The following PIGN variants were observed in gnomAD, a reference collection of about 807,000 sequenced individuals.
PIGN encodes the protein phosphatidylinositol glycan anchor biosynthesis class N, also known as GPI ethanolamine phosphate transferase 1.
In PIGN, 117 loss-of-function variants were observed where a neutral mutation model predicts 125.4. The observed-to-expected ratio is 0.93, with a 90% confidence interval of 0.80 to 1.09. The LOEUF is 1.09. Among genes scored for constraint, PIGN ranks in the 50% least tolerant of loss-of-function variants. The pLI is 0.00. For missense variants in PIGN, 1,075 were observed against 1,094.9 expected (o/e 0.98, Z 0.26); for synonymous variants, 392 against 377.8 (o/e 1.04, Z -0.44).
downstream of PIGN, among the ~76,000 whole-genome samples, chr18:62,039,501 T>C (rs12965939): frequency 0.026 from 1,500 of 58,672 alleles, no homozygotes; most frequent in Middle Eastern, 0.081. Context: ...GGGTGCCGCA[T>C]CTCATGTTTA....
At chr18:62,034,976 T>C (rs1482929897) in intron 23 of PIGN, among the ~76,000 whole-genome samples, 1 of 152,168 alleles carries the variant, frequency 6.6e-6, no homozygotes, top group African/African-American at 2.4e-5. Flanking sequence ...TGAATTGTAA[T>C]AATCCCCACT....
downstream of PIGN, among the ~76,000 whole-genome samples, chr18:62,037,424 C>T (rs1465111318): frequency 1.3e-5 from 2 of 152,216 alleles, no homozygotes; most frequent in African/African-American, 4.8e-5. Flanking sequence ...CATGAAAGCC[C>T]CTCAGTGGGC....
At chr18:62,183,169 C>T (rs1289490448) in intron 1 of PIGN, among the ~76,000 whole-genome samples, 1 of 151,798 alleles carries the variant, frequency 6.6e-6, no homozygotes, top group Non-Finnish European at 1.5e-5. Context: ...TTGAGCATTT[C>T]ACAATGTATA....
intron 23 of PIGN, among the ~76,000 whole-genome samples, chr18:62,093,339 T>C (rs1394403839): frequency 3.3e-5 from 5 of 152,124 alleles, no homozygotes; most frequent in Non-Finnish European, 5.9e-5. Flanking sequence ...GGACTTTATC[T>C]CTTAAAACAA....
At chr18:62,034,613 G>A (rs2030234116) in intron 23 of PIGN, among the ~76,000 whole-genome samples, 1 of 152,284 alleles carries the variant, frequency 6.6e-6, no homozygotes, top group Admixed American at 6.5e-5. Context: ...AGATTATTTT[G>A]AAGCTTTAAG....
At position 62,119,394 on chromosome 18, in the gene PIGN, A is replaced by C. The variant is rs183240142; in HGVS notation, c.1173-4755T>G. ...TAATATGTCAAGAAGACAAGACAGAAAGTTGTAACAAAGAACAGAATCTAT... is the reference window on the plus strand; with the variant it reads ...TAATATGTCAAGAAGACAAGACAGACAGTTGTAACAAAGAACAGAATCTAT... On this transcript the variant is annotated intron_variant, in intron 14 of 30. Coordinates refer to ENST00000640252, the MANE Select transcript of PIGN (RefSeq NM_176787.5). Among the ~76,000 whole-genome samples the C allele has an allele frequency of 7.5e-3, 1,143 of 152,278 alleles. 13 individuals are homozygous for C. Among genetic ancestry groups the C allele is most frequent in the African/African-American group, 0.026 (1,068 of 41,542 alleles).
At chr18:62,054,340 A>G (rs541443257) in intron 30 of PIGN, among the ~76,000 whole-genome samples, 15 of 152,128 alleles carry the variant, frequency 9.9e-5, no homozygotes, top group African/African-American at 3.4e-4. Flanking sequence ...CACAATCTAA[A>G]AAAGTAAATC....
At chr18:62,050,722 A>G (rs2031204758) in intron 30 of PIGN, among the ~76,000 whole-genome samples, 1 of 152,148 alleles carries the variant, frequency 6.6e-6, no homozygotes, top group Non-Finnish European at 1.5e-5. Flanking sequence ...CCCTGGCCAG[A>G]ACTTCCAACA....
rs562778690 is a variant in PIGN at position 62,154,477 on chromosome 18, G to A, written c.549+68C>T. Reference sequence around the variant, plus strand: ...AAGCTCATGAAAACAGAAAAAACGTGGGATACAGTCTCCAATACTTCAGGT... The same window carrying A: ...AAGCTCATGAAAACAGAAAAAACGTAGGATACAGTCTCCAATACTTCAGGT... On this transcript the variant is annotated intron_variant, in intron 7 of 30. Coordinates refer to ENST00000640252, the MANE Select transcript of PIGN (RefSeq NM_176787.5). The A allele has an allele frequency of 8.4e-5, 64 of 757,706 alleles. No homozygotes were observed. The Admixed American group carries it at 1.2e-3, about 14-fold the overall frequency. 46.9% of individuals were successfully genotyped at this position (757,706 alleles called of 1,614,324 possible).
intron 30 of PIGN, among the ~76,000 whole-genome samples, chr18:62,048,175 T>TA (rs1158153472): frequency 6.0e-5 from 9 of 150,626 alleles, no homozygotes; most frequent in South Asian, 4.2e-4. Context: ...AAATAGATGT[T>TA]AAAAAAAAAT....
At chr18:62,121,251 T>TTCCTA (rs2035293062) in intron 14 of PIGN, among the ~76,000 whole-genome samples, 1 of 152,142 alleles carries the variant, frequency 6.6e-6, no homozygotes, top group Non-Finnish European at 1.5e-5. Context: ...ATTTTAGTCT[T>TTCCTA]AGGAAAAGTT....
intron 30 of PIGN, among the ~76,000 whole-genome samples, chr18:62,067,104 C>G (rs137949052): frequency 6.6e-6 from 1 of 152,190 alleles, no homozygotes; most frequent in East Asian, 1.9e-4. Context: ...AAGCAACAAT[C>G]TTTCATTCCT....
chr18:62,143,386 T>G, intron 10 of PIGN, 40 bp from the exon 11 acceptor site: 1 of 1,269,480 alleles, frequency 7.9e-7, no homozygotes, highest in South Asian at 1.3e-5. Context: ...ATGTTAAGAT[T>G]TAAAAAAGAA....
intron 1 of PIGN, among the ~76,000 whole-genome samples, chr18:62,179,672 G>A (rs72945485): frequency 0.33 from 49,984 of 151,976 alleles, 8,981 homozygotes; most frequent in East Asian, 0.72. Flanking sequence ...CTTGAACCCC[G>A]GAGATCGAGG....
At chr18:62,157,944 T>C (rs2036801272) in intron 4 of PIGN, 136 bp from the exon 5 acceptor site, 1 of 804,216 alleles carries the variant, frequency 1.2e-6, no homozygotes, top group Non-Finnish European at 1.9e-6. Context: ...GGAAAGGAAT[T>C]TTTCAAATTC....
intron 10 of PIGN, 50 bp from the exon 11 acceptor site, chr18:62,143,396 A>G: frequency 1.7e-6 from 2 of 1,191,306 alleles, no homozygotes; most frequent in South Asian, 2.7e-5. Context: ...TTAAAAAAGA[A>G]TAAATCATTT....
intron 23 of PIGN, among the ~76,000 whole-genome samples, chr18:62,032,162 C>T (rs1461367430): frequency 6.6e-6 from 1 of 152,174 alleles, no homozygotes; most frequent in African/African-American, 2.4e-5. Context: ...GTATCTGCAG[C>T]GACTCCTTTT....
chr18:62,026,634 G>T (rs1360556695), intron 23 of PIGN, among the ~76,000 whole-genome samples: 1 of 152,220 alleles, frequency 6.6e-6, no homozygotes, highest in Non-Finnish European at 1.5e-5. Context: ...TTTGATATCT[G>T]TTATTACTTC....
Position 62,041,561 on chromosome 18 carries a change from T to A in PIGN, c.*4295A>T, listed in dbSNP as rs941168352. On this transcript the variant is annotated 3_prime_UTR_variant, in exon 31 of 31. Coordinates refer to ENST00000640252, the MANE Select transcript of PIGN (RefSeq NM_176787.5). ...TGGCACCATCTCGGCTCATTGCAAA[T>A]TCCACCTCCCAGGTTCAAGCAATTC... 6.6e-6 allele frequency: 1 copy of A among 151,660 alleles called. No individual in the cohort carries two copies. The highest frequency in any genetic ancestry group is 2.4e-5 in the African/African-American group (1 of 41,220). The allele number at this position is 151,660 out of a possible 1,614,324, so 9.4% of individuals were successfully genotyped here. A position where few individuals can be genotyped will look rare whatever the true frequency, so the allele number is the denominator to read the frequency against.
Sources: allele counts gnomAD v4.1 joint callset (sites outside exome capture counted in the v4.1 genomes callset), GRCh38; gene constraint gnomAD v4.1.1; transcripts MANE v1.5; gene names NCBI Gene and HGNC (gene_info 2026-07-23, HGNC 2026-07-21).